RABGAP1L: variants seen among roughly 807,000 people sequenced by gnomAD.
The protein encoded by RABGAP1L is RAB GTPase activating protein 1 like, also known as rab GTPase-activating protein 1-like.
RABGAP1L carries 63 observed loss-of-function variants against 137.7 expected under a neutral mutation model. That is an observed-to-expected ratio of 0.46 (90% CI 0.37 to 0.56). The LOEUF (loss-of-function observed/expected upper bound fraction) is 0.56, where lower values mean the gene tolerates loss of function less well. Among genes scored for constraint, RABGAP1L ranks in the 20% least tolerant of loss-of-function variants. RABGAP1L has a pLI of 0.00. For synonymous variants in RABGAP1L, 431 were observed against 433.7 expected (o/e 0.99, Z 0.08); for missense variants, 1,095 against 1,244.0 (o/e 0.88, Z 1.80).
intron 13 of RABGAP1L, among the ~76,000 whole-genome samples, chr1:174,522,972 GA>G (rs1663556525): frequency 1.3e-5 from 2 of 152,270 alleles, no homozygotes; most frequent in South Asian, 4.1e-4. Context: ...TTTGGGCCAG[GA>G]TACACATCCA....
At chr1:174,698,881 T>C (rs1358208304) in intron 15 of RABGAP1L, among the ~76,000 whole-genome samples, 2 of 152,266 alleles carry the variant, frequency 1.3e-5, no homozygotes, top group East Asian at 3.9e-4. Context: ...AGAGTAGATA[T>C]GAGGCTATGC....
intron 19 of RABGAP1L, among the ~76,000 whole-genome samples, chr1:174,846,576 A>C (rs1466444916): frequency 1.2e-5 from 1 of 80,226 alleles, no homozygotes; most frequent in Non-Finnish European, 3.3e-5. Context: ...GTTTGATTGC[A>C]CTGTGGTCTG....
intron 14 of RABGAP1L, among the ~76,000 whole-genome samples, chr1:174,651,102 C>G (rs998631398): frequency 6.6e-6 from 1 of 152,098 alleles, no homozygotes; most frequent in Non-Finnish European, 1.5e-5. Flanking sequence ...ACCCAGCAGT[C>G]ATTCAGGAGC....
At chr1:174,180,244 C>G (rs545880320) in intron 1 of RABGAP1L, among the ~76,000 whole-genome samples, 1 of 152,166 alleles carries the variant, frequency 6.6e-6, no homozygotes, top group East Asian at 1.9e-4. Context: ...CCAGACAGAC[C>G]TGGTTTGAAC....
chr1:174,915,568 TGCCTCA>T (rs1660724001), intron 19 of RABGAP1L, among the ~76,000 whole-genome samples: 1 of 152,224 alleles, frequency 6.6e-6, no homozygotes, highest in Non-Finnish European at 1.5e-5. Flanking sequence ...GCGATTCTCC[TGCCTCA>T]GCCTCCCGAG....
intron 1 of RABGAP1L, among the ~76,000 whole-genome samples, chr1:174,203,620 A>AAT (rs1241996730): frequency 1.3e-5 from 2 of 152,170 alleles, no homozygotes; most frequent in Non-Finnish European, 2.9e-5. Context: ...TGAATTTTAA[A>AAT]ATAGTTTTTC....
intron 13 of RABGAP1L, among the ~76,000 whole-genome samples, chr1:174,585,310 A>C (rs964699704): frequency 1.3e-5 from 2 of 152,112 alleles, no homozygotes; most frequent in African/African-American, 4.8e-5. Context: ...TCATTATCTA[A>C]TTTTAGGACC....
chr1:174,667,362 A>T (rs1314732938), intron 14 of RABGAP1L, among the ~76,000 whole-genome samples: 1 of 152,162 alleles, frequency 6.6e-6, no homozygotes, highest in Non-Finnish European at 1.5e-5. Flanking sequence ...AAGTGATATA[A>T]TGAAGGTAAT....
chr1:174,358,579 G>A (rs1018428160), intron 11 of RABGAP1L, among the ~76,000 whole-genome samples: 1 of 151,962 alleles, frequency 6.6e-6, no homozygotes, highest in Non-Finnish European at 1.5e-5. Context: ...CACAGAGTAC[G>A]TGACTGCTTC....
rs566982724 is a variant in RABGAP1L at position 174,294,305 on chromosome 1, T to C, written c.1324-10681T>C. Among the ~76,000 whole-genome samples the C allele has an allele frequency of 1.9e-4, 29 of 152,308 alleles. No homozygotes were observed. The South Asian group carries it at 6.0e-3, about 32-fold the overall frequency. On this transcript the variant is annotated intron_variant, in intron 10 of 25. Coordinates refer to ENST00000681986, the MANE Select transcript of RABGAP1L (RefSeq NM_001366446.1). ...ATAAATGAATTAATGAATCAATGAATTGAAGAACTAATTCTGGTGGATAGG... is the reference window on the plus strand; with the variant it reads ...ATAAATGAATTAATGAATCAATGAACTGAAGAACTAATTCTGGTGGATAGG...
chr1:174,736,076 G>A (rs1484136990), intron 17 of RABGAP1L, among the ~76,000 whole-genome samples: 1 of 151,992 alleles, frequency 6.6e-6, no homozygotes, highest in African/African-American at 2.4e-5. Context: ...AAATCCAACC[G>A]GCCCTTCTCA....
chr1:174,778,447 T>G (rs531721459), intron 18 of RABGAP1L, among the ~76,000 whole-genome samples: 1 of 152,244 alleles, frequency 6.6e-6, no homozygotes, highest in Non-Finnish European at 1.5e-5. Context: ...ATCTGCTCTA[T>G]GCAAAAGAAT....
chr1:174,538,602 G>GT (rs886694746), intron 13 of RABGAP1L, among the ~76,000 whole-genome samples: 3 of 151,900 alleles, frequency 2.0e-5, no homozygotes, highest in South Asian at 2.1e-4. Context: ...CTATGACTTA[G>GT]TTTTTTTTAA....
At chr1:174,595,663 G>C (rs1312464113) in intron 13 of RABGAP1L, among the ~76,000 whole-genome samples, 2 of 149,386 alleles carry the variant, frequency 1.3e-5, no homozygotes, top group East Asian at 4.0e-4. Flanking sequence ...CAGTTAGGCT[G>C]CTCGGGGGTC....
chr1:174,180,984 T>C (rs1376239689), intron 1 of RABGAP1L, among the ~76,000 whole-genome samples: 1 of 152,180 alleles, frequency 6.6e-6, no homozygotes, highest in Non-Finnish European at 1.5e-5. Context: ...TACATTTAAT[T>C]CACAGACGAG....
At chr1:174,654,520 T>C (rs1195740722) in intron 14 of RABGAP1L, among the ~76,000 whole-genome samples, 1 of 152,184 alleles carries the variant, frequency 6.6e-6, no homozygotes, top group Non-Finnish European at 1.5e-5. Flanking sequence ...AGTGGTGTCC[T>C]GTATTAGACC....
intron 12 of RABGAP1L, among the ~76,000 whole-genome samples, chr1:174,387,512 A>G (rs1485500157): frequency 1.3e-5 from 2 of 151,864 alleles, no homozygotes; most frequent in Non-Finnish European, 2.9e-5. Context: ...ATATCTAACA[A>G]ATTTCTTTAA....
At chr1:174,753,672 A>G (rs181323198) in intron 18 of RABGAP1L, among the ~76,000 whole-genome samples, 4 of 152,182 alleles carry the variant, frequency 2.6e-5, no homozygotes, top group African/African-American at 9.6e-5. Flanking sequence ...TCTTTCATTA[A>G]AACAAATCCA....
At chr1:174,209,603 T>C (rs1281957831) in intron 1 of RABGAP1L, among the ~76,000 whole-genome samples, 2 of 152,192 alleles carry the variant, frequency 1.3e-5, no homozygotes, top group African/African-American at 2.4e-5. Flanking sequence ...GGTAGACTTC[T>C]AGGTTTTTAA....
Sources: gnomAD v4.1 joint callset for allele counts (sites outside exome capture counted in the v4.1 genomes callset) on GRCh38, gnomAD v4.1.1 for gene constraint, MANE v1.5 for transcripts, NCBI Gene and HGNC (gene_info 2026-07-23, HGNC 2026-07-21) for gene names.